The following POLR3B variants were observed in gnomAD, a reference collection of about 807,000 sequenced individuals.
POLR3B encodes the protein RNA polymerase III subunit B, also known as DNA-directed RNA polymerase III subunit RPC2.
POLR3B carries 96 observed loss-of-function variants against 147.4 expected under a neutral mutation model. The ratio of observed to expected loss-of-function variants is 0.65; its 90% CI spans 0.55 to 0.77. The LOEUF is 0.77. Among genes scored for constraint, POLR3B ranks in the 30% least tolerant of loss-of-function variants. The pLI is 0.00. For synonymous variants in POLR3B, 461 were observed against 485.9 expected (o/e 0.95, Z 0.67); for missense variants, 1,036 against 1,413.5 (o/e 0.73, Z 4.28).
intron 23 of POLR3B, among the ~76,000 whole-genome samples, chr12:106,472,685 C>A (rs2038110816): frequency 7.7e-6 from 1 of 129,566 alleles, no homozygotes; most frequent in African/African-American, 3.2e-5. Flanking sequence ...CTGTTCATGT[C>A]CTTCGCCCAC....
Position 106,477,898 on chromosome 12 carries a change from T to C in POLR3B, c.2713+14278T>C, listed in dbSNP as rs1448748305. Among the ~76,000 whole-genome samples, 1,013 of 112,516 alleles carry C rather than the reference T, an allele frequency of 9.0e-3. 34 individuals carry two copies. Among genetic ancestry groups the C allele is most frequent in the Non-Finnish European group, 0.014 (739 of 53,494 alleles). The allele number at this position is 112,516 out of a possible 152,430, so 73.8% of individuals were successfully genotyped here. A position where few individuals can be genotyped will look rare whatever the true frequency, so the allele number is the denominator to read the frequency against. The stretch of plus-strand genomic sequence containing the variant: ...GCCATCTTGGCTCCTCCCCTTTTTT[T>C]TTTTTTTTTTTTTTTTTTTTTTTGG... On this transcript the variant is annotated intron_variant, in intron 23 of 27. Transcript: ENST00000228347.
chr12:106,471,010 G>A (rs1001064653), intron 23 of POLR3B, among the ~76,000 whole-genome samples: 2 of 152,192 alleles, frequency 1.3e-5, no homozygotes, highest in Non-Finnish European at 2.9e-5. Context: ...AGGCAGTGAC[G>A]TTTAAGTCTG....
rs377173840 is a variant in POLR3B at position 106,501,455 on chromosome 12, C to G, written c.3098+19C>G. Reference sequence around the variant, plus strand: ...TTACCAGGTAAGAGAAAAGTACTTACAAAAAGAATTGATAATGCAGTCAAG... The same window carrying G: ...TTACCAGGTAAGAGAAAAGTACTTAGAAAAAGAATTGATAATGCAGTCAAG... On this transcript the variant is annotated intron_variant, in intron 26 of 27. Transcript: ENST00000228347. The G allele has an allele frequency of 2.8e-5, 39 of 1,403,920 alleles. No individual in the cohort carries two copies. The African/African-American group carries it at 5.1e-4, about 18-fold the overall frequency. 87.0% of individuals were successfully genotyped at this position (1,403,920 alleles called of 1,614,324 possible).
chr12:106,416,229 A>G (rs1262931412), intron 12 of POLR3B, among the ~76,000 whole-genome samples: 4 of 152,220 alleles, frequency 2.6e-5, no homozygotes, highest in Non-Finnish European at 5.9e-5. Context: ...TAATCAGTTA[A>G]ATGTGTCTGT....
Position 106,380,043 on chromosome 12 carries a change from GA to G in POLR3B, c.634del (p.Ser212AlafsTer7). On this transcript the variant is annotated frameshift_variant, in exon 9 of 28. Coordinates refer to ENST00000228347, the MANE Select transcript of POLR3B (RefSeq NM_018082.6). LOFTEE classifies it high-confidence loss of function. ...TATTTACTCATAGCTCTACCCATGA[GA>G]AAAAAAGCAGAACCAATATGGCTGT... The part of the protein sequence containing the change: ...GASVTSSTHE[K>X]KSRTNMAVKQ... 1 of 1,611,626 alleles carries G rather than the reference GA, an allele frequency of 6.2e-7. No individual in the cohort carries two copies. The highest frequency in any genetic ancestry group is 8.5e-7 in the Non-Finnish European group (1 of 1,178,132).
At chr12:106,462,999 C>T (rs2037960971) in intron 22 of POLR3B, among the ~76,000 whole-genome samples, 1 of 152,084 alleles carries the variant, frequency 6.6e-6, no homozygotes, top group Non-Finnish European at 1.5e-5. Context: ...TAACTGTCTA[C>T]TTAATTGTTA....
chr12:106,421,659 T>G (rs1220771406), intron 12 of POLR3B, among the ~76,000 whole-genome samples: 1 of 151,946 alleles, frequency 6.6e-6, no homozygotes, highest in Non-Finnish European at 1.5e-5. Context: ...GTGTTGCAGA[T>G]ATCCTTTTCC....
intron 26 of POLR3B, among the ~76,000 whole-genome samples, chr12:106,503,171 C>T (rs570222944): frequency 1.8e-4 from 27 of 152,250 alleles, no homozygotes; most frequent in Non-Finnish European, 2.9e-4. Flanking sequence ...TTTATTTAGA[C>T]GTATTTGTAA....
chr12:106,376,329 T>G, intron 6 of POLR3B, 30 bp from the exon 7 acceptor site: 2 of 1,449,890 alleles, frequency 1.4e-6, no homozygotes, highest in Non-Finnish European at 1.9e-6. Context: ...AGCCTACATG[T>G]GATATTTTCT....
intron 2 of POLR3B, among the ~76,000 whole-genome samples, chr12:106,364,492 T>C (rs1243401610): frequency 6.6e-6 from 1 of 152,206 alleles, no homozygotes; most frequent in Non-Finnish European, 1.5e-5. Context: ...ACTATCATGC[T>C]CCACTGGTGG....
At chr12:106,445,201 T>C (rs1464693212) in intron 19 of POLR3B, among the ~76,000 whole-genome samples, 1 of 152,220 alleles carries the variant, frequency 6.6e-6, no homozygotes, top group African/African-American at 2.4e-5. Flanking sequence ...AGACTAGACA[T>C]GAGGCTGGAG....
chr12:106,358,776 A>T (rs1389074689), intron 1 of POLR3B, among the ~76,000 whole-genome samples: 1 of 152,208 alleles, frequency 6.6e-6, no homozygotes, highest in African/African-American at 2.4e-5. Context: ...GTGAAGAAAA[A>T]TAGAGGAGAA....
chr12:106,376,208 C>T, intron 6 of POLR3B, 151 bp from the exon 7 acceptor site: 1 of 666,616 alleles, frequency 1.5e-6, no homozygotes, highest in East Asian at 2.8e-5. Context: ...TTTTGCTTGG[C>T]TTCCATGTAA....
chr12:106,468,047 C>G (rs903459830), intron 23 of POLR3B, among the ~76,000 whole-genome samples: 3 of 152,152 alleles, frequency 2.0e-5, no homozygotes, highest in African/African-American at 7.2e-5. Context: ...CTCTTTGTAC[C>G]TCTGGTAGAA....
chr12:106,446,431 A>AAAG, intron 19 of POLR3B: 2 of 344,734 alleles, frequency 5.8e-6, no homozygotes, highest in African/African-American at 2.2e-5. Flanking sequence ...AAAAAAAAAA[A>AAAG]AAAAGAAAAG....
chr12:106,358,070 C>G (rs914422194), intron 1 of POLR3B, 119 bp downstream of exon 1: 7 of 1,544,278 alleles, frequency 4.5e-6, no homozygotes, highest in Non-Finnish European at 5.2e-6. Flanking sequence ...CGCCGGGCTT[C>G]TGCGCATGCC....
At chr12:106,382,907 A>C (rs1352751987) in intron 9 of POLR3B, among the ~76,000 whole-genome samples, 1 of 152,258 alleles carries the variant, frequency 6.6e-6, no homozygotes, top group African/African-American at 2.4e-5. Flanking sequence ...TCAAAGTCCT[A>C]GATGGCATGT....
chr12:106,409,344 G>A (rs1374651465), intron 11 of POLR3B, among the ~76,000 whole-genome samples: 1 of 96,026 alleles, frequency 1.0e-5, no homozygotes, highest in African/African-American at 5.3e-5. Flanking sequence ...GATTGTAAGA[G>A]GGTTTTTTTT....
At chr12:106,410,735 G>A in intron 11 of POLR3B, 91 bp from the exon 12 acceptor site, 1 of 1,046,846 alleles carries the variant, frequency 9.6e-7, no homozygotes, top group Non-Finnish European at 1.5e-6. Flanking sequence ...TATTTTCTTA[G>A]TTGAATGTTA....
Sources: gnomAD v4.1 joint callset for allele counts (sites outside exome capture counted in the v4.1 genomes callset) on GRCh38, gnomAD v4.1.1 for gene constraint, MANE v1.5 for transcripts, NCBI Gene and HGNC (gene_info 2026-07-23, HGNC 2026-07-21) for gene names.